The following NDE1 variants were observed in gnomAD, a reference collection of about 807,000 sequenced individuals.
NDE1 encodes nuclear distribution protein nudE homolog 1.
A neutral mutation model predicts 43.4 loss-of-function variants in NDE1; 28 were observed. That is an observed-to-expected ratio of 0.65 (90% confidence interval 0.48 to 0.89). The LOEUF (loss-of-function observed/expected upper bound fraction) is 0.89. Among genes scored for constraint, NDE1 ranks in the 40% least tolerant of loss-of-function variants. The pLI, the probability that NDE1 is intolerant of heterozygous loss-of-function variation, is 0.00. For synonymous variants in NDE1, 184 were observed against 172.0 expected (o/e 1.07, Z -0.55); for missense variants, 441 against 434.1 (o/e 1.02, Z -0.14).
At chr16:15,715,566 CAG>C (rs1276922209) in intron 8 of NDE1, among the ~76,000 whole-genome samples, 3 of 152,256 alleles carry the variant, frequency 2.0e-5, no homozygotes, top group South Asian at 2.1e-4. Context: ...TTCATAGAGA[CAG>C]AAAGTAGATT....
At chr16:15,666,651 T>C (rs1306775400) in intron 2 of NDE1, among the ~76,000 whole-genome samples, 1 of 152,186 alleles carries the variant, frequency 6.6e-6, no homozygotes, top group East Asian at 1.9e-4. Context: ...GGTCTCACTC[T>C]GTCACCCAGG....
chr16:15,695,203 C>CTTTTTTTTTTTTTTTTTTTTTT (rs71134451), intron 7 of NDE1, among the ~76,000 whole-genome samples: 10 of 79,686 alleles, frequency 1.3e-4, no homozygotes, highest in African/African-American at 5.5e-4. Context: ...AAACTGCCAC[C>CTTTTTTTTTTTTTTTTTTTTTT]TTTTTTTTTT....
In NDE1 at chr16:15,677,804, A is replaced by C. The variant is rs2037964507; in HGVS notation, c.241A>C (p.Lys81Gln). Reference protein sequence around the residue: ...LRMELETIKEKFEVQHSEGYR... With the variant: ...LRMELETIKEQFEVQHSEGYR... ...CAGTGTCTGTGTTGTCCTTCAGGAG[A>C]AGTTTGAAGTGCAGCACTCTGAAGG... is the stretch of plus-strand genomic sequence containing the variant. The change falls in exon 4 of 9, where the codon AAG becomes CAG. Residue 81 changes from lysine to glutamine, a missense_variant. Physicochemically the swap from Lys to Gln is moderately conservative, Grantham distance 53. Transcript: ENST00000396354. 1.9e-6 allele frequency: 3 copies of C among 1,613,928 alleles called. No individual in the cohort carries two copies. The African/African-American group carries it at 4.0e-5, about 22-fold the overall frequency.
intron 8 of NDE1, among the ~76,000 whole-genome samples, chr16:15,697,596 C>A (rs2151145591): frequency 6.6e-6 from 1 of 152,110 alleles, no homozygotes; most frequent in East Asian, 2.0e-4. Flanking sequence ...GCCTATAGTC[C>A]CAGCTACTCA....
chr16:15,708,279 G>A (rs761727093), intron 8 of NDE1, among the ~76,000 whole-genome samples: 28 of 152,182 alleles, frequency 1.8e-4, no homozygotes, highest in Non-Finnish European at 3.5e-4. Context: ...ATCATGGGAG[G>A]ACTGGTTGCC....
upstream of NDE1, among the ~76,000 whole-genome samples, chr16:15,647,806 G>A (rs986544318): frequency 1.3e-5 from 2 of 152,008 alleles, no homozygotes; most frequent in Admixed American, 6.6e-5. Context: ...TGAGGCAGGA[G>A]GATCACTTGA....
intron 8 of NDE1, chr16:15,721,328 A>G: frequency 7.1e-7 from 1 of 1,408,116 alleles, no homozygotes; most frequent in Non-Finnish European, 1.0e-6. Context: ...TTCGCTATGA[A>G]AAAGGCCAGG....
chr16:15,664,698 C>T lies in NDE1; in HGVS notation c.-43-38C>T, dbSNP rs1013008440. On this transcript the variant is annotated intron_variant, in intron 1 of 8. Transcript: ENST00000396354. ...CTGTTAAAGGGGATCAGCTGTTTAA[C>T]CAGATGTGGGTAATCATTTTGAAAC... 96 of 1,053,170 alleles carry T rather than the reference C, an allele frequency of 9.1e-5. 1 individual carries two copies. The highest frequency in any genetic ancestry group is 4.1e-4 in the Middle Eastern group (2 of 4,894). The allele number at this position is 1,053,170 out of a possible 1,614,324, so 65.2% of individuals were successfully genotyped here. A position where few individuals can be genotyped will look rare whatever the true frequency, so the allele number is the denominator to read the frequency against.
intron 2 of NDE1, 45 bp from the exon 3 acceptor site, chr16:15,667,241 G>A (rs779134854): frequency 4.4e-6 from 7 of 1,608,572 alleles, no homozygotes; most frequent in African/African-American, 1.3e-5. Flanking sequence ...GCGAGACTCT[G>A]TCTTCAAAAA....
chr16:15,702,947 C>T lies in NDE1; in HGVS notation c.947+6087C>T, dbSNP rs151023491. ...AACCCCCTTAGACAGTCTCACTTTGCATCTCTGCTCTGCTCTCTGGCTGGC... is the reference window on the plus strand; with the variant it reads ...AACCCCCTTAGACAGTCTCACTTTGTATCTCTGCTCTGCTCTCTGGCTGGC... On this transcript the variant is annotated intron_variant, in intron 8 of 8. Transcript: ENST00000396354. Among the ~76,000 whole-genome samples the T allele has an allele frequency of 7.2e-3, 1,103 of 152,198 alleles. 13 individuals carry two copies. Among genetic ancestry groups the T allele is most frequent in the African/African-American group, 0.026 (1,075 of 41,534 alleles).
At chr16:15,723,912 G>A (rs1270204005) in intron 8 of NDE1, among the ~76,000 whole-genome samples, 2 of 152,232 alleles carry the variant, frequency 1.3e-5, no homozygotes, top group African/African-American at 4.8e-5. Context: ...CACCATGTGT[G>A]CAGGTGACCC....
chr16:15,656,944 A>G (rs1453907976), intron 1 of NDE1, among the ~76,000 whole-genome samples: 1 of 152,174 alleles, frequency 6.6e-6, no homozygotes, highest in Non-Finnish European at 1.5e-5. Context: ...CAGGGGCCTG[A>G]TCACATTGGA....
chr16:15,714,839 AG>A (rs1461646638), intron 8 of NDE1: 8 of 1,591,232 alleles, frequency 5.0e-6, no homozygotes, highest in Non-Finnish European at 6.9e-6. Context: ...GCAGGCCGAA[AG>A]GAGCCCGAGC....
chr16:15,677,590 GAAA>G (rs375764516), intron 3 of NDE1, among the ~76,000 whole-genome samples: 45 of 136,380 alleles, frequency 3.3e-4, no homozygotes, highest in African/African-American at 1.1e-3. Flanking sequence ...GGCCTCAAAA[GAAA>G]AAAAAAAAAA....
chr16:15,724,997 G>C lies in NDE1; in HGVS notation c.*746G>C. ...TGTGACGCTCTCAACTTCATTCTAA[G>C]GGTGCCAAGAGACTGGTTAGTCAAA... On this transcript the variant is annotated 3_prime_UTR_variant, in exon 9 of 9. Transcript: ENST00000396354. The C allele has an allele frequency of 6.2e-7, 1 of 1,613,408 alleles. No homozygotes were observed. The highest frequency in any genetic ancestry group is 8.5e-7 in the Non-Finnish European group (1 of 1,179,696).
intron 3 of NDE1, among the ~76,000 whole-genome samples, chr16:15,670,122 C>T (rs781717762): frequency 6.6e-6 from 1 of 152,172 alleles, no homozygotes; most frequent in Non-Finnish European, 1.5e-5. Context: ...TTCCATTTCT[C>T]AGTAAGTCTG....
In NDE1 at chr16:15,654,572, G is replaced by C. The variant is rs146258198; in HGVS notation, c.-44+4278G>C. ...GCTGAGATCACACCACTGCACTCCA[G>C]CCTGGGCAACAGAGAAAGAGATTCC... On this transcript the variant is annotated intron_variant, in intron 1 of 8. Coordinates refer to ENST00000396354, the MANE Select transcript of NDE1 (RefSeq NM_017668.3). 2.7e-3 allele frequency among the ~76,000 whole-genome samples: 326 copies of C among 122,610 alleles called. 3 individuals carry two copies. Among genetic ancestry groups the C allele is most frequent in the African/African-American group, 9.9e-3 (302 of 30,606 alleles). The allele number at this position is 122,610 out of a possible 152,430, so 80.4% of individuals were successfully genotyped here.
At chr16:15,665,364 A>G (rs1372673738) in intron 2 of NDE1, among the ~76,000 whole-genome samples, 1 of 152,214 alleles carries the variant, frequency 6.6e-6, no homozygotes. Context: ...GCCAATAAGT[A>G]GCAGAGCTGG....
At position 15,704,037 on chromosome 16, in the gene NDE1, G is replaced by T; in HGVS notation, c.947+7177G>T. On this transcript the variant is annotated intron_variant, in intron 8 of 8. Coordinates refer to ENST00000396354, the MANE Select transcript of NDE1 (RefSeq NM_017668.3). ...ATTGAAGTCTGCGTCTCGAGTGTCC[G>T]TTTCCTCCTCAGAACCATCTGCATT... is the stretch of plus-strand genomic sequence containing the variant. 1 of 1,613,974 alleles carries T rather than the reference G, an allele frequency of 6.2e-7. No individual in the cohort carries two copies. The highest frequency in any genetic ancestry group is 8.5e-7 in the Non-Finnish European group (1 of 1,180,002).
Sources: allele counts gnomAD v4.1 joint callset (sites outside exome capture counted in the v4.1 genomes callset), GRCh38; gene constraint gnomAD v4.1.1; transcripts MANE v1.5; gene names NCBI Gene and HGNC (gene_info 2026-07-23, HGNC 2026-07-21).